Variants in SH3TC1 observed in about 807,000 individuals in gnomAD.
SH3TC1 encodes SH3 domain and tetratricopeptide repeats 1, also known as SH3 domain and tetratricopeptide repeat-containing protein 1.
A neutral mutation model predicts 117.3 loss-of-function variants in SH3TC1; 135 were observed. The observed-to-expected ratio is 1.15, with a 90% CI of 1.00 to 1.33. SH3TC1 has a LOEUF of 1.33. SH3TC1 is among the 40% of genes most tolerant of loss of function. SH3TC1 has a pLI of 0.00. For missense variants in SH3TC1, 2,092 were observed against 1,794.3 expected (o/e 1.17, Z -3.00); for synonymous variants, 898 against 816.9 (o/e 1.10, Z -1.69).
chr4:8,216,315 T>C (rs1412745629), intron 6 of SH3TC1, 58 bp downstream of exon 6: 3 of 1,575,642 alleles, frequency 1.9e-6, no homozygotes, highest in Non-Finnish European at 2.6e-6. Flanking sequence ...TCCCGGGCCA[T>C]GGGGTGACAG....
chr4:8,237,800 C>G (rs527421819), intron 17 of SH3TC1, 130 bp downstream of exon 17: 194 of 1,023,540 alleles, frequency 1.9e-4, no homozygotes, highest in Non-Finnish European at 2.5e-4. Context: ...GCGCTGCGCC[C>G]GGCTGGAGGA....
chr4:8,234,253 A>G (rs1466745704), intron 14 of SH3TC1, among the ~76,000 whole-genome samples: 1 of 150,352 alleles, frequency 6.7e-6, no homozygotes, highest in Non-Finnish European at 1.5e-5. Flanking sequence ...CCATCCATTC[A>G]CCTGTTTGTC....
In SH3TC1 at chr4:8,190,431, G is replaced by A. The variant is rs1262322357; in HGVS notation, c.-57+8221G>A. ...CCTGATTCAGGAAAGTTGGGGCTCT[G>A]AGGAGTTCGGGCCTATGGGATTGGA... is the stretch of plus-strand genomic sequence containing the variant. On this transcript the variant is annotated intron_variant, in intron 1 of 16. Transcript: ENST00000508641. This position sits in a 1 kb window ranked among gnomAD's most constrained non-coding sequence, Gnocchi z 4.7. Among the ~76,000 whole-genome samples the A allele has an allele frequency of 6.6e-6, 1 of 152,208 alleles. No individual in the cohort carries two copies. Among genetic ancestry groups the A allele is most frequent in the East Asian group, 1.9e-4 (1 of 5,186 alleles).
chr4:8,230,710 G>A (rs992853005), intron 12 of SH3TC1, among the ~76,000 whole-genome samples: 1 of 150,952 alleles, frequency 6.6e-6, no homozygotes. Flanking sequence ...TTCTTTGCAT[G>A]TAGACATTTA....
intron 16 of SH3TC1, 127 bp from the exon 17 acceptor site, chr4:8,237,347 G>A: frequency 1.4e-6 from 1 of 710,052 alleles, no homozygotes; most frequent in East Asian, 3.1e-5. Context: ...TCTGGGAGCT[G>A]GGAAGGGACT....
At chr4:8,215,029 A>G in intron 5 of SH3TC1, 1 of 421,316 alleles carries the variant, frequency 2.4e-6, no homozygotes. Context: ...CAAGATAACA[A>G]CACTGGTGTG....
At chr4:8,208,644 C>T (rs748361843) in intron 2 of SH3TC1, among the ~76,000 whole-genome samples, 4 of 152,328 alleles carry the variant, frequency 2.6e-5, no homozygotes, top group East Asian at 3.9e-4. Context: ...TGAGCCACTG[C>T]GCCCGGCCCA....
Position 8,228,631 on chromosome 4 carries a change from G to A in SH3TC1, c.2937G>A (p.Met979Ile), listed in dbSNP as rs766195605. The change falls in exon 12 of 18, where the codon ATG (methionine) becomes ATA (isoleucine). Residue 979 changes from methionine to isoleucine, a missense_variant. By Grantham distance (10) the Met-to-Ile change is conservative. Coordinates refer to ENST00000245105, the MANE Select transcript of SH3TC1 (RefSeq NM_018986.5). ...GGGCCCTTCTGGTCGCCGTGGAGAT[G>A]GGCCACGTGGAGAGTGAGTGCCCCA... is the stretch of plus-strand genomic sequence containing the variant. ...YEWALLVAVE[M>I]GHVESQLRAV... The A allele has an allele frequency of 8.0e-6, 12 of 1,508,082 alleles. No individual in the cohort carries two copies. The South Asian group carries it at 1.6e-4, about 20-fold the overall frequency. 93.4% of individuals were successfully genotyped at this position (1,508,082 alleles called of 1,614,324 possible).
chr4:8,227,595 C>T lies in SH3TC1; in HGVS notation c.1901C>T (p.Thr634Met), dbSNP rs142991324. The T allele has an allele frequency of 2.2e-3, 3,420 of 1,520,778 alleles. 83 individuals carry two copies. The African/African-American group carries it at 0.041, about 18-fold the overall frequency. 94.2% of individuals were successfully genotyped at this position (1,520,778 alleles called of 1,614,324 possible). A position where few individuals can be genotyped will look rare whatever the true frequency, so the allele number is the denominator to read the frequency against. ...VPKAMALLLG[T>M]PDHICSTEAE... The stretch of plus-strand genomic sequence containing the variant: ...AAAGCCATGGCCCTGCTCCTGGGGA[C>T]GCCTGACCACATCTGCAGCACCGAG... Residue 634 changes from threonine to methionine, a missense_variant, in exon 12 of 18, where the codon ACG becomes ATG. Coordinates refer to ENST00000245105, the MANE Select transcript of SH3TC1 (RefSeq NM_018986.5).
At chr4:8,216,298 G>A (rs769031423) in intron 6 of SH3TC1, 41 bp downstream of exon 6, 16 of 1,597,744 alleles carry the variant, frequency 1.0e-5, no homozygotes, top group Admixed American at 6.8e-5. Context: ...CCAGCTGTGC[G>A]GGGCACTCCC....
chr4:8,207,505 A>G (rs1718308361), intron 2 of SH3TC1, among the ~76,000 whole-genome samples: 1 of 152,214 alleles, frequency 6.6e-6, no homozygotes, highest in Non-Finnish European at 1.5e-5. Context: ...TGGCTGAAAT[A>G]ATCCTTGCGA....
chr4:8,214,410 TGTCCTCCTGACAGATGCCCCA>T (rs1192113119), intron 4 of SH3TC1, 44 bp from the exon 5 acceptor site: 5 of 1,446,618 alleles, frequency 3.5e-6, no homozygotes, highest in Non-Finnish European at 4.8e-6. Context: ...ATGTGGACGC[TGTCCTCCTGACAGATGCCCCA>T]GAGCTCCTGG....
chr4:8,215,548 T>G (rs1719174304), intron 5 of SH3TC1, among the ~76,000 whole-genome samples: 2 of 152,074 alleles, frequency 1.3e-5, no homozygotes, highest in Non-Finnish European at 2.9e-5. Context: ...TCTTTCAGAG[T>G]CCACTCTACG....
chr4:8,231,989 C>A lies in SH3TC1; in HGVS notation c.2964C>A (p.Ala988=), dbSNP rs112791846. 1 of 1,611,800 alleles carries A rather than the reference C, an allele frequency of 6.2e-7. No individual in the cohort carries two copies. Among genetic ancestry groups the A allele is most frequent in the Non-Finnish European group, 8.5e-7 (1 of 1,179,990 alleles). Residue 988 remains alanine, a synonymous_variant, in exon 13 of 18, where the codon GCC becomes GCA. Coordinates refer to ENST00000245105, the MANE Select transcript of SH3TC1 (RefSeq NM_018986.5). ...EMGHVESQLR[A]VQRLCHFYSA... is the part of the protein sequence containing the mutation. Reference sequence around the variant, plus strand: ...TCTTCTGCCCAGGCCAGCTGCGGGCCGTCCAGCGGCTGTGCCACTTCTACA... The same window carrying A: ...TCTTCTGCCCAGGCCAGCTGCGGGCAGTCCAGCGGCTGTGCCACTTCTACA...
In SH3TC1 at chr4:8,206,968, A is replaced by G. The variant is rs1157232368; in HGVS notation, c.172+1602A>G. 1.3e-5 allele frequency among the ~76,000 whole-genome samples: 2 copies of G among 151,256 alleles called. No homozygotes were observed. Among genetic ancestry groups the G allele is most frequent in the Non-Finnish European group, 2.9e-5 (2 of 67,916 alleles). The stretch of plus-strand genomic sequence containing the variant: ...TAAAACCAGTACATTCTCTTATATA[A>G]CCGCATTGTAATTATTTCAATGTTA... On this transcript the variant is annotated intron_variant, in intron 2 of 17. Transcript: ENST00000245105. This position sits in a 1 kb window ranked among gnomAD's most constrained non-coding sequence, Gnocchi z 5.5.
chr4:8,202,885 T>C (rs1233840007), intron 1 of SH3TC1, among the ~76,000 whole-genome samples: 3 of 152,174 alleles, frequency 2.0e-5, no homozygotes, highest in Non-Finnish European at 4.4e-5. Context: ...GGTGGGTGGT[T>C]GTTGAAACCA....
intron 12 of SH3TC1, 25 bp from the exon 13 acceptor site, chr4:8,231,951 G>A (rs993086826): frequency 1.1e-5 from 17 of 1,606,946 alleles, no homozygotes; most frequent in African/African-American, 9.3e-5. Flanking sequence ...GGAGGCTGAC[G>A]TCTTCCTTTT....
chr4:8,240,925 C>A lies in SH3TC1; in HGVS notation c.3981C>A (p.Ala1327=). 6 of 1,612,042 alleles carry A rather than the reference C, an allele frequency of 3.7e-6. No individual in the cohort carries two copies. The highest frequency in any genetic ancestry group is 3.4e-6 in the Non-Finnish European group (4 of 1,179,988). ...NLPPLPLCGW[A]PWLAPSHPR ...CTCCTCTGCCACTCTGCGGGTGGGC[C>A]CCCTGGTTGGCCCCCAGCCACCCTC... Residue 1327 remains alanine (A), a synonymous_variant, in exon 18 of 18, where the codon GCC becomes GCA. Coordinates refer to ENST00000245105, the MANE Select transcript of SH3TC1 (RefSeq NM_018986.5).
In SH3TC1 at chr4:8,191,610, C is replaced by T. The variant is rs982599765; in HGVS notation, c.-57+9400C>T. On this transcript the variant is annotated intron_variant, in intron 1 of 16. Transcript: ENST00000508641. ...GGGGATGACTCATCATGCTACCATT[C>T]CAGCACCAGCTGGTACGGGGCTCCA... 2.0e-5 allele frequency among the ~76,000 whole-genome samples: 3 copies of T among 152,340 alleles called. No homozygotes were observed. In the East Asian group the frequency reaches 5.8e-4, roughly 29 times the overall value.
Sources: allele counts gnomAD v4.1 joint callset (sites outside exome capture counted in the v4.1 genomes callset), GRCh38; gene constraint gnomAD v4.1.1; non-coding constraint Gnocchi (gnomAD v3.1); transcripts MANE v1.5; gene names NCBI Gene and HGNC (gene_info 2026-07-23, HGNC 2026-07-21).